IMMP2L: variants seen among roughly 807,000 people sequenced by gnomAD.
IMMP2L encodes the protein mitochondrial inner membrane protease subunit 2.
In IMMP2L, 18 loss-of-function variants were observed where a neutral mutation model predicts 19.3. The ratio of observed to expected loss-of-function variants is 0.93; its 90% CI spans 0.64 to 1.38. IMMP2L has a LOEUF of 1.38. Among genes scored for constraint, IMMP2L ranks in the 40% most tolerant of loss-of-function variants. The pLI is 0.00. For synonymous variants in IMMP2L, 76 were observed against 73.0 expected (o/e 1.04, Z -0.21); for missense variants, 233 against 218.2 (o/e 1.07, Z -0.43).
In IMMP2L at chr7:110,797,194, T is replaced by TA. The variant is rs797000751; in HGVS notation, c.408+89398dup. On this transcript the variant is annotated intron_variant, in intron 5 of 5. Transcript: ENST00000405709. The stretch of plus-strand genomic sequence containing the variant: ...CTGTCTTTGCTTCTGTCTCAGAAAA[T>TA]AAAAAAAAAATGCTATGAAATTTAA... Among the ~76,000 whole-genome samples, 769 of 147,884 alleles carry TA rather than the reference T, an allele frequency of 5.2e-3. 6 individuals are homozygous for TA. Among genetic ancestry groups the TA allele is most frequent in the African/African-American group, 0.017 (698 of 40,410 alleles).
At chr7:110,984,336 G>A (rs1197943237) in intron 3 of IMMP2L, among the ~76,000 whole-genome samples, 1 of 150,020 alleles carries the variant, frequency 6.7e-6, no homozygotes, top group Non-Finnish European at 1.5e-5. Flanking sequence ...CAGGAAATCT[G>A]TAAAAGCAGA....
At chr7:111,419,073 C>T (rs1052586704) in intron 3 of IMMP2L, among the ~76,000 whole-genome samples, 1 of 151,782 alleles carries the variant, frequency 6.6e-6, no homozygotes, top group Non-Finnish European at 1.5e-5. Context: ...AATCAAATGC[C>T]TAGCTTCACA....
intron 5 of IMMP2L, among the ~76,000 whole-genome samples, chr7:110,846,659 C>T (rs544001302): frequency 6.6e-6 from 1 of 152,240 alleles, no homozygotes; most frequent in South Asian, 2.1e-4. Flanking sequence ...AGCCACTGCA[C>T]CTAGCTCAAA....
intron 4 of IMMP2L, among the ~76,000 whole-genome samples, chr7:110,914,294 G>A (rs1813358073): frequency 1.3e-5 from 2 of 152,138 alleles, no homozygotes; most frequent in Admixed American, 6.6e-5. Flanking sequence ...TGGGAGCAAC[G>A]GTTTTGGCAT....
chr7:111,079,491 T>C (rs1436189928), intron 3 of IMMP2L, among the ~76,000 whole-genome samples: 1 of 152,210 alleles, frequency 6.6e-6, no homozygotes, highest in Non-Finnish European at 1.5e-5. Context: ...CACTATATTT[T>C]AATCATTCTT....
intron 3 of IMMP2L, among the ~76,000 whole-genome samples, chr7:111,307,605 A>G (rs558343248): frequency 2.0e-4 from 31 of 151,710 alleles, no homozygotes; most frequent in African/African-American, 7.0e-4. Flanking sequence ...ATAATTACAT[A>G]CATTTTATAT....
At chr7:111,279,476 G>A (rs1819459839) in intron 3 of IMMP2L, among the ~76,000 whole-genome samples, 1 of 152,158 alleles carries the variant, frequency 6.6e-6, no homozygotes, top group Non-Finnish European at 1.5e-5. Flanking sequence ...AAGACCATGT[G>A]AAGACTGAGG....
intron 3 of IMMP2L, among the ~76,000 whole-genome samples, chr7:110,968,079 G>A (rs908380538): frequency 2.0e-5 from 3 of 151,984 alleles, no homozygotes; most frequent in African/African-American, 7.2e-5. Flanking sequence ...ATGGACTGGA[G>A]AGAAATGGAA....
At chr7:110,678,493 A>C (rs1379416392) in intron 5 of IMMP2L, among the ~76,000 whole-genome samples, 1 of 152,146 alleles carries the variant, frequency 6.6e-6, no homozygotes, top group Admixed American at 6.5e-5. Flanking sequence ...TCAGAGACAT[A>C]GGCTCAATCC....
At chr7:111,191,347 T>C (rs183948376) in intron 3 of IMMP2L, among the ~76,000 whole-genome samples, 114 of 152,006 alleles carry the variant, frequency 7.5e-4, no homozygotes, top group African/African-American at 2.6e-3. Flanking sequence ...ATCTGTTTGT[T>C]ACATTACAGT....
intron 3 of IMMP2L, chr7:111,100,071 T>C (rs1479372532): frequency 6.6e-6 from 1 of 151,822 alleles, no homozygotes; most frequent in East Asian, 1.9e-4. Context: ...GGTCCTGATT[T>C]GAACCCTGAA....
intron 3 of IMMP2L, among the ~76,000 whole-genome samples, chr7:111,292,480 A>G (rs369396908): frequency 2.0e-5 from 3 of 152,066 alleles, no homozygotes; most frequent in African/African-American, 2.4e-5. Context: ...GTTTACATGT[A>G]CTAGTTCTTC....
At chr7:111,530,781 A>T (rs975240781) in intron 1 of IMMP2L, among the ~76,000 whole-genome samples, 2 of 152,060 alleles carry the variant, frequency 1.3e-5, no homozygotes, top group African/African-American at 4.8e-5. Flanking sequence ...TATGTTTAAA[A>T]TTTTTCCTCA....
intron 1 of IMMP2L, among the ~76,000 whole-genome samples, chr7:111,538,813 A>AC (rs1848138089): frequency 8.3e-6 from 1 of 120,814 alleles, no homozygotes; most frequent in African/African-American, 3.6e-5. Context: ...ACCCTGGCTC[A>AC]TTTAAAAAAA....
intron 5 of IMMP2L, among the ~76,000 whole-genome samples, chr7:110,682,174 T>C (rs1356751015): frequency 6.6e-6 from 1 of 152,132 alleles, no homozygotes; most frequent in African/African-American, 2.4e-5. Flanking sequence ...CTCACAGCTC[T>C]GGACATTTGT....
At chr7:110,977,954 G>C (rs551271654) in intron 3 of IMMP2L, among the ~76,000 whole-genome samples, 2 of 152,100 alleles carry the variant, frequency 1.3e-5, no homozygotes, top group African/African-American at 4.8e-5. Flanking sequence ...CCAATTTTGT[G>C]TGGAAAGTAA....
At chr7:111,099,244 A>T (rs2129579600) in intron 3 of IMMP2L, among the ~76,000 whole-genome samples, 1 of 151,846 alleles carries the variant, frequency 6.6e-6, no homozygotes, top group East Asian at 1.9e-4. Context: ...ATTTATAATA[A>T]GCTTTCCTTG....
At position 111,239,565 on chromosome 7, in the gene IMMP2L, T is replaced by C. The variant is rs112862177; in HGVS notation, c.239+247673A>G. ...TTCTTAATTTAGGTCTAGTTGATTA[T>C]GATAGAAAACAGACAACCACATGAT... On this transcript the variant is annotated intron_variant, in intron 3 of 5. Transcript: ENST00000405709. Among the ~76,000 whole-genome samples the C allele has an allele frequency of 3.5e-3, 538 of 152,108 alleles. 4 individuals carry two copies. The highest frequency in any genetic ancestry group is 0.012 in the African/African-American group (508 of 41,544).
At chr7:111,189,841 G>A (rs1382057871) in intron 3 of IMMP2L, among the ~76,000 whole-genome samples, 2 of 152,084 alleles carry the variant, frequency 1.3e-5, no homozygotes, top group Non-Finnish European at 2.9e-5. Flanking sequence ...TCTTTAAGAG[G>A]AAAGATTCCT....
Sources: gnomAD v4.1 joint callset for allele counts (sites outside exome capture counted in the v4.1 genomes callset) on GRCh38, gnomAD v4.1.1 for gene constraint, MANE v1.5 for transcripts, NCBI Gene and HGNC (gene_info 2026-07-23, HGNC 2026-07-21) for gene names.